TBC1D5: variants seen among roughly 807,000 people sequenced by gnomAD.
The protein encoded by TBC1D5 is TBC1 domain family member 5, also known as TBC1 domain family, member 5.
TBC1D5 carries 75 observed loss-of-function variants against 100.3 expected under a neutral mutation model. The observed-to-expected ratio is 0.75, with a 90% confidence interval of 0.62 to 0.91. The LOEUF is 0.91. Among genes scored for constraint, TBC1D5 ranks in the 40% least tolerant of loss-of-function variants. The pLI is 0.00. For synonymous variants in TBC1D5, 323 were observed against 325.6 expected (o/e 0.99, Z 0.09); for missense variants, 910 against 942.4 (o/e 0.97, Z 0.45).
chr3:17,636,875 T>A (rs536736589), intron 1 of TBC1D5, among the ~76,000 whole-genome samples: 11 of 152,000 alleles, frequency 7.2e-5, no homozygotes, highest in Non-Finnish European at 1.6e-4. Flanking sequence ...AACTCAAAAG[T>A]GACCTACTCA....
chr3:17,307,033 T>C (rs2083472510), intron 14 of TBC1D5, among the ~76,000 whole-genome samples: 1 of 152,182 alleles, frequency 6.6e-6, no homozygotes. Flanking sequence ...CTGTCACTTA[T>C]TTAAGTAATT....
chr3:17,283,110 GTTTC>G (rs1302757602), intron 15 of TBC1D5, among the ~76,000 whole-genome samples: 2 of 152,188 alleles, frequency 1.3e-5, no homozygotes, highest in African/African-American at 4.8e-5. Flanking sequence ...CAGTTGGAAT[GTTTC>G]TTTCCTCTAA....
chr3:17,538,620 C>T (rs1264863591), intron 2 of TBC1D5, among the ~76,000 whole-genome samples: 2 of 152,200 alleles, frequency 1.3e-5, no homozygotes, highest in Non-Finnish European at 2.9e-5. Context: ...TACTGCCCTT[C>T]AGCAAAATTC....
chr3:17,339,120 G>C (rs755074266), intron 13 of TBC1D5, among the ~76,000 whole-genome samples: 34 of 152,188 alleles, frequency 2.2e-4, no homozygotes, highest in Non-Finnish European at 3.5e-4. Context: ...GGTTGTCTGA[G>C]GTCCCTGTCT....
intron 4 of TBC1D5, among the ~76,000 whole-genome samples, chr3:17,420,964 T>C (rs1372416189): frequency 6.6e-6 from 1 of 152,106 alleles, no homozygotes; most frequent in African/African-American, 2.4e-5. Flanking sequence ...AACAGATAAC[T>C]AAAAGGGCTT....
chr3:17,178,929 C>A (rs1427170892), intron 19 of TBC1D5, among the ~76,000 whole-genome samples: 1 of 152,104 alleles, frequency 6.6e-6, no homozygotes, highest in Non-Finnish European at 1.5e-5. Context: ...ATAGGCATGG[C>A]CATGCTGGTC....
At chr3:17,646,882 C>A (rs896161323) in intron 1 of TBC1D5, 1 of 151,630 alleles carries the variant, frequency 6.6e-6, no homozygotes. Context: ...AATTTCTCAA[C>A]CCTCCCCTGT....
Position 17,586,121 on chromosome 3 carries a change from T to G in TBC1D5, c.-36+37728A>C, listed in dbSNP as rs150074635. Among the ~76,000 whole-genome samples, 1,199 of 152,142 alleles carry G rather than the reference T, an allele frequency of 7.9e-3. 17 individuals carry two copies. The highest frequency in any genetic ancestry group is 0.028 in the African/African-American group (1,153 of 41,508). The stretch of plus-strand genomic sequence containing the variant: ...AAAACAATGGACAAAGGGGAAAGAA[T>G]GGAAACTGGTGACTAAAAGCAGGAG... On this transcript the variant is annotated intron_variant, in intron 2 of 21. Transcript: ENST00000253692.
chr3:17,279,299 A>T (rs1176268636), intron 15 of TBC1D5, among the ~76,000 whole-genome samples: 4 of 152,206 alleles, frequency 2.6e-5, no homozygotes, highest in African/African-American at 9.7e-5. Flanking sequence ...CCATCATTTA[A>T]GATAATGCAA....
exon 22 of TBC1D5, chr3:17,157,433 T>TAGTA (rs1337974858): frequency 3.9e-5 from 6 of 152,270 alleles, no homozygotes; most frequent in Admixed American, 3.3e-4. Flanking sequence ...AAGAGAGCTT[T>TAGTA]AGTAAGTAAC....
intron 3 of TBC1D5, among the ~76,000 whole-genome samples, chr3:17,485,353 C>CT (rs2095550761): frequency 7.6e-6 from 1 of 131,640 alleles, no homozygotes; most frequent in Non-Finnish European, 1.6e-5. Flanking sequence ...TATTATTATA[C>CT]TTTAAGTTTT....
chr3:17,614,840 T>C (rs1166792630), intron 2 of TBC1D5, among the ~76,000 whole-genome samples: 1 of 152,216 alleles, frequency 6.6e-6, no homozygotes, highest in Non-Finnish European at 1.5e-5. Flanking sequence ...CTGGGACAAT[T>C]TGACTTCCTC....
Position 17,544,219 on chromosome 3 carries a change from C to T in TBC1D5, c.-35-35614G>A, listed in dbSNP as rs185669677. Among the ~76,000 whole-genome samples, 63 of 152,174 alleles carry T rather than the reference C, an allele frequency of 4.1e-4. No homozygotes were observed. The East Asian group carries it at 9.5e-3, about 23-fold the overall frequency. On this transcript the variant is annotated intron_variant, in intron 2 of 21. Transcript: ENST00000253692. ...CCCAGGTAATGCTGAAGTGCTGAAC[C>T]GGGGGCCACACTTTGAGAACGACTG...
intron 14 of TBC1D5, among the ~76,000 whole-genome samples, chr3:17,297,994 C>G (rs2082437184): frequency 6.6e-6 from 1 of 152,112 alleles, no homozygotes; most frequent in African/African-American, 2.4e-5. Flanking sequence ...TGTAAAATGT[C>G]ATGGAAATGA....
At chr3:17,448,917 TCTC>T (rs1344563563) in intron 3 of TBC1D5, among the ~76,000 whole-genome samples, 8 of 152,196 alleles carry the variant, frequency 5.3e-5, no homozygotes, top group African/African-American at 1.4e-4. Context: ...GGTACTGACT[TCTC>T]CTCTTTAGCT....
chr3:17,264,650 G>GT (rs771559222), intron 15 of TBC1D5, among the ~76,000 whole-genome samples: 3 of 152,234 alleles, frequency 2.0e-5, no homozygotes, highest in Non-Finnish European at 4.4e-5. Flanking sequence ...TCAGGAGTCA[G>GT]TGAGGGTCGT....
At chr3:17,554,857 T>C (rs552762926) in intron 2 of TBC1D5, among the ~76,000 whole-genome samples, 1,674 of 151,670 alleles carry the variant, frequency 0.011, 25 homozygotes, top group African/African-American at 0.038. Flanking sequence ...TTTTTTTTTT[T>C]CTTTTTTTTT....
intron 2 of TBC1D5, chr3:17,518,959 A>G (rs1382812868): frequency 1.3e-5 from 2 of 152,288 alleles, no homozygotes; most frequent in Non-Finnish European, 2.9e-5. Context: ...GCACTTGTGC[A>G]CTCCAGTTTC....
At chr3:17,529,983 C>G (rs889684696) in intron 2 of TBC1D5, among the ~76,000 whole-genome samples, 7 of 152,140 alleles carry the variant, frequency 4.6e-5, no homozygotes, top group Non-Finnish European at 1.0e-4. Flanking sequence ...GTGCCTCACA[C>G]CTGTAATCCC....
Sources: allele counts gnomAD v4.1 joint callset (sites outside exome capture counted in the v4.1 genomes callset), GRCh38; gene constraint gnomAD v4.1.1; transcripts MANE v1.5; gene names NCBI Gene and HGNC (gene_info 2026-07-23, HGNC 2026-07-21).